The following PCSK5 variants were observed in gnomAD, a reference collection of about 807,000 sequenced individuals.
PCSK5 encodes the protein prohormone convertase 5.
In PCSK5, 129 loss-of-function variants were observed where a neutral mutation model predicts 233.2. The ratio of observed to expected loss-of-function variants is 0.55; its 90% CI spans 0.48 to 0.64. The LOEUF (loss-of-function observed/expected upper bound fraction) is 0.64, where lower values mean the gene tolerates loss of function less well. Among genes scored for constraint, PCSK5 ranks in the 30% least tolerant of loss-of-function variants. PCSK5 has a pLI of 0.00. For missense variants in PCSK5, 2,076 were observed against 2,430.1 expected, an observed-to-expected ratio of 0.85 and a Z score of 3.06; for synonymous variants, 825 against 879.2, an observed-to-expected ratio of 0.94 and a Z score of 1.09.
chr9:76,269,734 T>A (rs1827450015), intron 24 of PCSK5, among the ~76,000 whole-genome samples: 1 of 152,162 alleles, frequency 6.6e-6, no homozygotes, highest in Admixed American at 6.5e-5. Flanking sequence ...AGGACAAAAA[T>A]GTGTAGCAAT....
At chr9:76,280,721 G>T (rs943266244) in intron 24 of PCSK5, among the ~76,000 whole-genome samples, 5 of 152,004 alleles carry the variant, frequency 3.3e-5, no homozygotes, top group Admixed American at 2.6e-4. Context: ...GAGTGACAGA[G>T]CCAGACTCTG....
chr9:76,121,281 A>G (rs1832620552), intron 9 of PCSK5, among the ~76,000 whole-genome samples: 1 of 151,404 alleles, frequency 6.6e-6, no homozygotes, highest in Non-Finnish European at 1.5e-5. Flanking sequence ...TGTTGATATG[A>G]TTTATTAGAA....
intron 2 of PCSK5, among the ~76,000 whole-genome samples, chr9:75,949,396 G>A (rs78419129): frequency 0.043 from 6,479 of 151,890 alleles, 172 homozygotes; most frequent in African/African-American, 0.065. Flanking sequence ...CAGTAAGTCA[G>A]GGGATTTCCT....
chr9:75,986,666 G>C (rs1371470723), intron 3 of PCSK5, among the ~76,000 whole-genome samples: 1 of 152,128 alleles, frequency 6.6e-6, no homozygotes, highest in African/African-American at 2.4e-5. Context: ...TGACTCTGCT[G>C]GTAAGTAATA....
At chr9:76,137,614 T>A (rs976805654) in intron 10 of PCSK5, among the ~76,000 whole-genome samples, 13 of 152,152 alleles carry the variant, frequency 8.5e-5, no homozygotes, top group Admixed American at 8.5e-4. Context: ...TAGCTAAGTT[T>A]CAGACAACAG....
In PCSK5 at chr9:75,928,618, T is replaced by C. The variant is rs1294836106; in HGVS notation, c.193-3761T>C. Among the ~76,000 whole-genome samples, 4 of 112,524 alleles carry C rather than the reference T, an allele frequency of 3.6e-5. No homozygotes were observed. The East Asian group carries it at 6.8e-4, about 19-fold the overall frequency. 73.8% of individuals were successfully genotyped at this position (112,524 alleles called of 152,430 possible). A position where few individuals can be genotyped will look rare whatever the true frequency, so the allele number is the denominator to read the frequency against. On this transcript the variant is annotated intron_variant, in intron 1 of 37. Transcript: ENST00000674117. Reference sequence around the variant, plus strand: ...ATACATATATATATATATATATATATATATATATATATATATATATAATCC... The same window carrying C: ...ATACATATATATATATATATATATACATATATATATATATATATATAATCC...
chr9:76,358,483 G>A (rs1370181475), intron 37 of PCSK5, 30 bp from the exon 38 acceptor site: 1 of 1,569,832 alleles, frequency 6.4e-7, no homozygotes, highest in Non-Finnish European at 8.7e-7. Flanking sequence ...TTTCCCTCTT[G>A]CCTCTTCCTT....
intron 24 of PCSK5, among the ~76,000 whole-genome samples, chr9:76,277,199 T>TG (rs1443549773): frequency 2.6e-5 from 4 of 152,184 alleles, no homozygotes; most frequent in Admixed American, 2.6e-4. Context: ...CACTCCAGCC[T>TG]GGGCGACAGA....
Position 76,009,465 on chromosome 9 carries a change from A to G in PCSK5, c.412-14273A>G, listed in dbSNP as rs576936080. 2.0e-5 allele frequency among the ~76,000 whole-genome samples: 3 copies of G among 152,064 alleles called. No individual in the cohort carries two copies. The South Asian group carries it at 6.2e-4, about 32-fold the overall frequency. On this transcript the variant is annotated intron_variant, in intron 3 of 37. Coordinates refer to ENST00000674117, the MANE Select transcript of PCSK5 (RefSeq NM_001372043.1). ...AACATGGTGAAACCCTGGCTCTACT[A>G]AAAATACAAAAATTAGCCAGGCATG...
At chr9:76,238,863 G>T in intron 22 of PCSK5, 96 bp from the exon 23 acceptor site, 1 of 910,028 alleles carries the variant, frequency 1.1e-6, no homozygotes, top group Non-Finnish European at 1.7e-6. Context: ...AAAGCACTCA[G>T]TCGCATCTTT....
chr9:75,938,549 G>A lies in PCSK5; in HGVS notation c.297+6066G>A, dbSNP rs75233940. On this transcript the variant is annotated intron_variant, in intron 2 of 37. Transcript: ENST00000674117. ...GTGAGCACACGCTGTTGGAAAAATG[G>A]CACTGACAGGCTTGCTCGATACAGG... Among the ~76,000 whole-genome samples the A allele has an allele frequency of 8.3e-3, 1,258 of 152,276 alleles. 24 individuals are homozygous for A. Among genetic ancestry groups the A allele is most frequent in the African/African-American group, 0.029 (1,202 of 41,546 alleles).
chr9:76,075,517 A>T, intron 7 of PCSK5, among the ~76,000 whole-genome samples: 1 of 152,100 alleles, frequency 6.6e-6, no homozygotes, highest in East Asian at 1.9e-4. Flanking sequence ...AGGTTAAATA[A>T]ATCTTTCTTG....
Position 76,033,396 on chromosome 9 carries a change from A to G in PCSK5, c.632+6359A>G, listed in dbSNP as rs1587526982. ...CTTAACGAAGAAAATGAGGGTCAAT[A>G]TCAGAGGCTGATTTGATTTTCAAAT... On this transcript the variant is annotated intron_variant, in intron 5 of 37. Coordinates refer to ENST00000674117, the MANE Select transcript of PCSK5 (RefSeq NM_001372043.1). Among the ~76,000 whole-genome samples the G allele has an allele frequency of 2.6e-5, 4 of 152,312 alleles. No individual in the cohort carries two copies. In the South Asian group the frequency reaches 6.2e-4, roughly 24 times the overall value.
At chr9:76,156,763 T>C (rs1222772394) in intron 10 of PCSK5, among the ~76,000 whole-genome samples, 1 of 152,224 alleles carries the variant, frequency 6.6e-6, no homozygotes, top group African/African-American at 2.4e-5. Flanking sequence ...CTGAAGATTG[T>C]TGGGAGAACT....
At chr9:76,030,897 T>C (rs920479191) in intron 5 of PCSK5, among the ~76,000 whole-genome samples, 2 of 152,178 alleles carry the variant, frequency 1.3e-5, no homozygotes, top group Non-Finnish European at 2.9e-5. Context: ...TCCTAAGCAC[T>C]GGCCATGGTT....
intron 3 of PCSK5, among the ~76,000 whole-genome samples, chr9:76,017,409 G>A (rs983373074): frequency 6.6e-6 from 1 of 152,090 alleles, no homozygotes; most frequent in Non-Finnish European, 1.5e-5. Context: ...CCCCTATATA[G>A]GTGCTGCCAT....
At chr9:75,914,201 G>A (rs1267379142) in intron 1 of PCSK5, among the ~76,000 whole-genome samples, 2 of 152,170 alleles carry the variant, frequency 1.3e-5, no homozygotes, top group Admixed American at 1.3e-4. Flanking sequence ...CAACCAGATA[G>A]ATTTACTTGA....
intron 24 of PCSK5, among the ~76,000 whole-genome samples, chr9:76,245,907 A>G (rs1475645704): frequency 6.6e-6 from 1 of 152,192 alleles, no homozygotes; most frequent in East Asian, 1.9e-4. Context: ...ATATAAAATA[A>G]AGCAGACAAA....
chr9:76,022,609 C>T (rs926494824), intron 3 of PCSK5, among the ~76,000 whole-genome samples: 5 of 152,068 alleles, frequency 3.3e-5, no homozygotes, highest in East Asian at 3.9e-4. Flanking sequence ...TTCAAAGAGT[C>T]GGACTTTAAA....
Sources: allele counts gnomAD v4.1 joint callset (sites outside exome capture counted in the v4.1 genomes callset), GRCh38; gene constraint gnomAD v4.1.1; transcripts MANE v1.5; gene names NCBI Gene and HGNC (gene_info 2026-07-23, HGNC 2026-07-21).